The following IRAG2 variants were observed in gnomAD, a reference collection of about 807,000 sequenced individuals.
IRAG2 encodes lymphoid restricted membrane protein.
A neutral mutation model predicts 69.9 loss-of-function variants in IRAG2; 45 were observed. That is an observed-to-expected ratio of 0.64 (90% CI 0.51 to 0.83). IRAG2 has a LOEUF of 0.83. Among genes scored for constraint, IRAG2 ranks in the 40% least tolerant of loss-of-function variants. IRAG2 has a pLI of 0.00. For missense variants in IRAG2, 520 were observed against 587.0 expected, an observed-to-expected ratio of 0.89 and a Z score of 1.18; for synonymous variants, 193 against 202.4, an observed-to-expected ratio of 0.95 and a Z score of 0.40.
At position 25,069,367 on chromosome 12, in the gene IRAG2, G is replaced by T; in HGVS notation, c.-41G>T. The T allele has an allele frequency of 1.2e-6, 2 of 1,601,442 alleles. No homozygotes were observed. Among genetic ancestry groups the T allele is most frequent in the Non-Finnish European group, 1.7e-6 (2 of 1,170,188 alleles). The stretch of plus-strand genomic sequence containing the variant: ...ACTGCCAGGTGCCCAGGCCCCACAA[G>T]TGGCCCCAGCCCAGGAACGAATCTC... On this transcript the variant is annotated 5_prime_UTR_variant, in exon 6 of 22. Coordinates refer to ENST00000556887, the MANE Select transcript of IRAG2 (RefSeq NM_001366544.2).
upstream of IRAG2, among the ~76,000 whole-genome samples, chr12:25,001,081 C>G (rs17323781): frequency 0.098 from 14,918 of 152,118 alleles, 898 homozygotes; most frequent in Non-Finnish European, 0.14. Context: ...ATGTTCTGCT[C>G]TATATTAGAA....
chr12:25,078,370 A>G (rs973754130), intron 6 of IRAG2, among the ~76,000 whole-genome samples: 1 of 152,242 alleles, frequency 6.6e-6, no homozygotes, highest in African/African-American at 2.4e-5. Flanking sequence ...TTGATATACA[A>G]TATTCCCCCA....
intron 5 of IRAG2, among the ~76,000 whole-genome samples, chr12:25,016,405 T>G (rs1944529032): frequency 6.6e-6 from 1 of 152,144 alleles, no homozygotes; most frequent in African/African-American, 2.4e-5. Context: ...AATTGTGAGC[T>G]TCAGACTACA....
intron 6 of IRAG2, chr12:25,075,801 A>G (rs748329773): frequency 2.0e-5 from 3 of 152,136 alleles, no homozygotes; most frequent in Non-Finnish European, 4.4e-5. Context: ...AATCTTCTAC[A>G]TGTAAGTGAA....
intron 4 of IRAG2, among the ~76,000 whole-genome samples, chr12:25,065,667 A>C (rs532371793): frequency 1.3e-5 from 2 of 152,202 alleles, no homozygotes; most frequent in Non-Finnish European, 2.9e-5. Flanking sequence ...AAATGGGTGC[A>C]GCCGTGTTCC....
At chr12:25,003,056 G>T (rs1944403884), upstream of IRAG2, among the ~76,000 whole-genome samples, 1 of 152,150 alleles carries the variant, frequency 6.6e-6, no homozygotes, top group African/African-American at 2.4e-5. Flanking sequence ...AACTGCACTG[G>T]CTAGAACTGG....
chr12:25,038,252 C>A (rs1284271845), intron 16 of IRAG2: 3 of 394,924 alleles, frequency 7.6e-6, no homozygotes, highest in Non-Finnish European at 1.3e-5. Context: ...TCAGATGATA[C>A]TTTTTTCAGA....
chr12:25,017,170 T>C, exon 6 of IRAG2: 1 of 1,232,072 alleles, frequency 8.1e-7, no homozygotes, highest in African/African-American at 1.5e-5. Flanking sequence ...TAGCAGACCT[T>C]CATTTCAACA....
intron 14 of IRAG2, among the ~76,000 whole-genome samples, chr12:25,094,768 T>C (rs1442783108): frequency 6.6e-6 from 1 of 152,224 alleles, no homozygotes; most frequent in East Asian, 1.9e-4. Context: ...TGTTTTGTGG[T>C]TTTCGGTGTA....
intron 7 of IRAG2, chr12:25,020,996 G>GACTTCTGATGT: frequency 1.8e-6 from 1 of 563,164 alleles, no homozygotes; most frequent in Non-Finnish European, 2.6e-6. Flanking sequence ...AACATCAGAA[G>GACTTCTGATGT]TCAATATCCT....
chr12:25,000,960 G>A (rs1009552234), upstream of IRAG2, among the ~76,000 whole-genome samples: 7 of 152,184 alleles, frequency 4.6e-5, no homozygotes, highest in Non-Finnish European at 8.8e-5. Context: ...TAAAAAAGAC[G>A]TTAAGAGGTT....
At position 25,041,856 on chromosome 12, in the gene IRAG2, A is replaced by C. The variant is rs34073000; in HGVS notation, c.2144+3719A>C. Among the ~76,000 whole-genome samples the C allele has an allele frequency of 4.6e-5, 6 of 129,244 alleles. No homozygotes were observed. In the East Asian group the frequency reaches 1.3e-3, roughly 29 times the overall value. The allele number at this position is 129,244 out of a possible 152,430, so 84.8% of individuals were successfully genotyped here. Reference sequence around the variant, plus strand: ...TAACCATTTAGATATTCTGATATCAACTTACTGGTTTGTGACCCATTTAAA... The same window carrying C: ...TAACCATTTAGATATTCTGATATCACCTTACTGGTTTGTGACCCATTTAAA... On this transcript the variant is annotated intron_variant, in intron 16 of 38. Coordinates refer to the IRAG2 transcript ENST00000636465.
intron 20 of IRAG2, among the ~76,000 whole-genome samples, chr12:25,105,448 A>AT (rs1348533544): frequency 1.3e-5 from 2 of 152,016 alleles, no homozygotes; most frequent in African/African-American, 4.8e-5. Context: ...TATTTTATAC[A>AT]TTTTCGTGAG....
At chr12:25,107,498 C>A (rs1455284988) in intron 21 of IRAG2, among the ~76,000 whole-genome samples, 1 of 152,158 alleles carries the variant, frequency 6.6e-6, no homozygotes, top group Non-Finnish European at 1.5e-5. Flanking sequence ...CAGCAAATAA[C>A]ATTTTTGTTT....
chr12:25,075,448 T>C (rs1946619082), intron 6 of IRAG2, among the ~76,000 whole-genome samples: 1 of 152,116 alleles, frequency 6.6e-6, no homozygotes, highest in South Asian at 2.1e-4. Flanking sequence ...GGCCAATTAA[T>C]CTTAAAAGTT....
intron 10 of IRAG2, among the ~76,000 whole-genome samples, chr12:25,031,350 T>A (rs539104732): frequency 1.3e-5 from 2 of 152,318 alleles, no homozygotes; most frequent in East Asian, 3.9e-4. Context: ...TCATCTCCCA[T>A]GTGCCAGCCA....
chr12:25,087,398 C>T (rs1441998335), intron 10 of IRAG2, among the ~76,000 whole-genome samples: 2 of 151,952 alleles, frequency 1.3e-5, no homozygotes, highest in African/African-American at 2.4e-5. Context: ...GAACTCCTGA[C>T]CTCAGGTGAT....
At chr12:25,033,942 G>T (rs572053484) in exon 13 of IRAG2, 7 of 398,988 alleles carry the variant, frequency 1.8e-5, no homozygotes, top group Middle Eastern at 6.3e-4. Context: ...TGCTCAGTCT[G>T]CAGAGGTAGG....
intron 7 of IRAG2, among the ~76,000 whole-genome samples, chr12:25,023,056 G>T (rs1447393357): frequency 6.6e-6 from 1 of 151,492 alleles, no homozygotes; most frequent in East Asian, 1.9e-4. Flanking sequence ...AACCCGGGAG[G>T]TGGAGGTTGC....
Sources: gnomAD v4.1 joint callset for allele counts (sites outside exome capture counted in the v4.1 genomes callset) on GRCh38, gnomAD v4.1.1 for gene constraint, MANE v1.5 for transcripts, NCBI Gene and HGNC (gene_info 2026-07-23, HGNC 2026-07-21) for gene names.